The following ST18 variants were observed in gnomAD, a reference collection of about 807,000 sequenced individuals.
The protein encoded by ST18 is suppression of tumorigenicity 18 protein.
A neutral mutation model predicts 110.0 loss-of-function variants in ST18; 50 were observed. That is an observed-to-expected ratio of 0.45 (90% confidence interval 0.36 to 0.58). The LOEUF is 0.58. Ranked by LOEUF, ST18 falls within the 20% of genes least tolerant of loss-of-function variation. The pLI is 0.00. For missense variants in ST18, 1,306 were observed against 1,280.1 expected (o/e 1.02, Z -0.31); for synonymous variants, 461 against 452.4 (o/e 1.02, Z -0.24).
At chr8:52,172,700 C>T in intron 9 of ST18, 117 bp from the exon 10 acceptor site, 6 of 678,660 alleles carry the variant, frequency 8.8e-6, no homozygotes, top group East Asian at 2.8e-5. Flanking sequence ...CATACACATA[C>T]ATATATGTAC....
At chr8:52,301,831 A>G (rs1554819091) in intron 2 of ST18, 1 of 152,058 alleles carries the variant, frequency 6.6e-6, no homozygotes, top group Non-Finnish European at 1.5e-5. Context: ...TTTTTTCCTC[A>G]TTTCTTTCCT....
At chr8:52,405,762 G>T (rs1844261542) in intron 2 of ST18, 1 of 151,904 alleles carries the variant, frequency 6.6e-6, no homozygotes, top group South Asian at 2.1e-4. Context: ...TTAAAAATCT[G>T]CCTACTTAGA....
intron 2 of ST18, among the ~76,000 whole-genome samples, chr8:52,269,278 A>C (rs1198101875): frequency 6.6e-6 from 1 of 152,224 alleles, no homozygotes; most frequent in Admixed American, 6.5e-5. Flanking sequence ...GGGTGAATGC[A>C]TTCTCACATA....
chr8:52,158,839 G>A, intron 15 of ST18, 59 bp downstream of exon 15: 1 of 1,576,710 alleles, frequency 6.3e-7, no homozygotes, highest in East Asian at 2.2e-5. Context: ...AACATGAAAG[G>A]CAGTTTATTC....
At chr8:52,387,451 A>T (rs1172779317) in intron 2 of ST18, among the ~76,000 whole-genome samples, 2 of 152,132 alleles carry the variant, frequency 1.3e-5, no homozygotes, top group Non-Finnish European at 2.9e-5. Context: ...ATCATTGTCA[A>T]TAGCCAAGGC....
chr8:52,200,918 A>T (rs1460386326), intron 8 of ST18: 1 of 152,202 alleles, frequency 6.6e-6, no homozygotes, highest in Admixed American at 6.5e-5. Flanking sequence ...CCATTTGCAG[A>T]TACTGTCCAC....
At chr8:52,236,337 CG>C (rs1431617227) in intron 2 of ST18, among the ~76,000 whole-genome samples, 31 of 152,138 alleles carry the variant, frequency 2.0e-4, no homozygotes, top group Admixed American at 3.3e-4. Context: ...GAACTGAACA[CG>C]GTGGCTGACT....
chr8:52,178,632 AAAAAAAAAAAAC>A (rs2067935368), intron 9 of ST18, among the ~76,000 whole-genome samples: 2 of 130,502 alleles, frequency 1.5e-5, no homozygotes, highest in South Asian at 2.4e-4. Flanking sequence ...AAAAAAAAAA[AAAAAAAAAAAAC>A]CACCAAAAAC....
rs1225785351 is a variant in ST18 at position 52,172,177 on chromosome 8, T to C, written c.684A>G (p.Lys228=). 1 of 1,614,234 alleles carries C rather than the reference T, an allele frequency of 6.2e-7. No homozygotes were observed. The highest frequency in any genetic ancestry group is 1.7e-5 in the Admixed American group (1 of 60,024). ...TTATTTCAGGAACTTCCAATAGGTC[T>C]TTTTTATGATCTGTTAAAACATACT... ...VPKYVLTDHK[K]DLLEVPEIKT... Residue 228 remains lysine, a synonymous_variant, in exon 10 of 26, where the codon AAA becomes AAG. Coordinates refer to ENST00000689386, the MANE Select transcript of ST18 (RefSeq NM_001352837.2).
intron 2 of ST18, among the ~76,000 whole-genome samples, chr8:52,273,091 G>A (rs963720913): frequency 4.6e-5 from 7 of 152,132 alleles, no homozygotes; most frequent in African/African-American, 1.7e-4. Flanking sequence ...AAGACTATAT[G>A]TTTAAAAGAA....
At chr8:52,384,934 T>C (rs886989287) in intron 2 of ST18, among the ~76,000 whole-genome samples, 1 of 152,162 alleles carries the variant, frequency 6.6e-6, no homozygotes, top group Non-Finnish European at 1.5e-5. Context: ...TTGGAGGATA[T>C]GAAAGAAATC....
chr8:52,264,101 A>C (rs541719048), intron 2 of ST18, among the ~76,000 whole-genome samples: 1 of 152,156 alleles, frequency 6.6e-6, no homozygotes. Flanking sequence ...GCCTGGCAAT[A>C]CCACATAGAT....
chr8:52,169,302 G>A (rs2064010801), intron 10 of ST18, among the ~76,000 whole-genome samples: 1 of 152,098 alleles, frequency 6.6e-6, no homozygotes, highest in Non-Finnish European at 1.5e-5. Flanking sequence ...CTTATACTCT[G>A]GTGATGTTAC....
intron 2 of ST18, among the ~76,000 whole-genome samples, chr8:52,296,876 T>A (rs1246258693): frequency 6.6e-6 from 1 of 152,062 alleles, no homozygotes. Flanking sequence ...AATTAAGTAC[T>A]AAACAAATAG....
chr8:52,146,544 AC>A (rs1244375224), intron 16 of ST18, among the ~76,000 whole-genome samples: 1 of 150,432 alleles, frequency 6.6e-6, no homozygotes, highest in Admixed American at 6.6e-5. Context: ...CAACAACTTT[AC>A]CCCCCTCACA....
intron 15 of ST18, among the ~76,000 whole-genome samples, 168 bp downstream of exon 15, chr8:52,158,730 C>G (rs2060631494): frequency 6.6e-6 from 1 of 152,216 alleles, no homozygotes; most frequent in Non-Finnish European, 1.5e-5. Context: ...TTGACCCCAC[C>G]AAGCTCATCC....
In ST18 at chr8:52,117,005, T is replaced by A. The variant is rs926561842; in HGVS notation, c.2860-587A>T. On this transcript the variant is annotated intron_variant, in intron 24 of 25. Transcript: ENST00000689386. ...GCCTGTTAAAATGCAAGTCAGCATG[T>A]CAATCAGATGGGATTATGTTACTCG... 1.1e-4 allele frequency among the ~76,000 whole-genome samples: 16 copies of A among 152,174 alleles called. 1 individual carries two copies. Among genetic ancestry groups the A allele is most frequent in the Admixed American group, 4.6e-4 (7 of 15,288 alleles).
At chr8:52,221,463 A>T (rs1333902538) in intron 4 of ST18, among the ~76,000 whole-genome samples, 177 bp downstream of exon 4, 1 of 152,190 alleles carries the variant, frequency 6.6e-6, no homozygotes, top group African/African-American at 2.4e-5. Flanking sequence ...GGTCCCAGGG[A>T]TGAGCACAGA....
Position 52,238,443 on chromosome 8 carries a change from G to T in ST18, c.-464-8366C>A, listed in dbSNP as rs552331520. The stretch of plus-strand genomic sequence containing the variant: ...GAAAACAGTAAAGACATTTCTCAAA[G>T]AACTAAAAACAGAACTACCATTCAA... On this transcript the variant is annotated intron_variant, in intron 2 of 25. Coordinates refer to ENST00000689386, the MANE Select transcript of ST18 (RefSeq NM_001352837.2). 5.7e-4 allele frequency among the ~76,000 whole-genome samples: 87 copies of T among 152,098 alleles called. 1 individual carries two copies. Among genetic ancestry groups the T allele is most frequent in the Middle Eastern group, 6.8e-3 (2 of 294 alleles).
Sources: gnomAD v4.1 joint callset for allele counts (sites outside exome capture counted in the v4.1 genomes callset) on GRCh38, gnomAD v4.1.1 for gene constraint, MANE v1.5 for transcripts, NCBI Gene and HGNC (gene_info 2026-07-23, HGNC 2026-07-21) for gene names.